The following SOX5 variants were observed in gnomAD, a reference collection of about 807,000 sequenced individuals.
SOX5 encodes the protein transcription factor SOX-5.
In SOX5, 9 loss-of-function variants were observed where a neutral mutation model predicts 92.0. The observed-to-expected ratio is 0.10, with a 90% CI of 0.06 to 0.17. The LOEUF (loss-of-function observed/expected upper bound fraction) is 0.17, where lower values mean the gene tolerates loss of function less well. SOX5 is among the 10% of genes least tolerant of loss of function. SOX5 has a pLI of 1.00. For synonymous variants in SOX5, 344 were observed against 336.3 expected (o/e 1.02, Z -0.25); for missense variants, 642 against 944.5 (o/e 0.68, Z 4.20).
intron 1 of SOX5, among the ~76,000 whole-genome samples, chr12:24,447,882 A>C (rs902004168): frequency 3.3e-5 from 5 of 152,162 alleles, no homozygotes; most frequent in African/African-American, 9.7e-5. Context: ...GGATGCGGAC[A>C]AATTGTTCTT....
At chr12:23,950,952 T>C (rs1214459483), upstream of SOX5, 28 of 1,265,950 alleles carry the variant, frequency 2.2e-5, no homozygotes, top group Admixed American at 6.0e-5. Flanking sequence ...CAACAGGAGA[T>C]AGTGTGCATT....
At chr12:23,999,642 TA>T (rs1203524872) in intron 4 of SOX5, among the ~76,000 whole-genome samples, 1 of 152,016 alleles carries the variant, frequency 6.6e-6, no homozygotes, top group Non-Finnish European at 1.5e-5. Flanking sequence ...TCTTTTACTT[TA>T]AAAAAGTCTT....
intron 1 of SOX5, among the ~76,000 whole-genome samples, chr12:24,559,560 A>T (rs537578466): frequency 6.6e-6 from 1 of 152,280 alleles, no homozygotes; most frequent in East Asian, 1.9e-4. Flanking sequence ...TACTGTAAGC[A>T]TTAGATCATA....
At chr12:23,953,503 A>T (rs1293963001), upstream of SOX5, among the ~76,000 whole-genome samples, 1 of 152,028 alleles carries the variant, frequency 6.6e-6, no homozygotes. Flanking sequence ...ATACTTTTGC[A>T]TTCACTTAAC....
At chr12:24,290,309 A>G (rs937437943) in intron 2 of SOX5, among the ~76,000 whole-genome samples, 2 of 152,242 alleles carry the variant, frequency 1.3e-5, no homozygotes, top group Non-Finnish European at 2.9e-5. Context: ...TCTGAAAAGT[A>G]CCTTAAAAAT....
chr12:23,682,196 G>A (rs80183312), intron 6 of SOX5, among the ~76,000 whole-genome samples: 3,304 of 151,774 alleles, frequency 0.022, 59 homozygotes, highest in Non-Finnish European at 0.033. Flanking sequence ...AAGCAAGATC[G>A]AACAGATTTC....
chr12:24,324,306 T>A (rs1241096127), intron 2 of SOX5, among the ~76,000 whole-genome samples: 2 of 152,138 alleles, frequency 1.3e-5, no homozygotes, highest in Non-Finnish European at 2.9e-5. Context: ...TTTCTGTATT[T>A]CCATAAATTG....
chr12:23,875,263 G>C (rs1023995922), intron 2 of SOX5, among the ~76,000 whole-genome samples: 1 of 145,536 alleles, frequency 6.9e-6, no homozygotes, highest in Non-Finnish European at 1.5e-5. Flanking sequence ...GCATTATGAA[G>C]AGAAATTGTA....
At chr12:24,549,274 G>T (rs1421738000) in intron 1 of SOX5, among the ~76,000 whole-genome samples, 1 of 152,148 alleles carries the variant, frequency 6.6e-6, no homozygotes, top group Admixed American at 6.5e-5. Context: ...TTTGATTAAT[G>T]TTGATCTTCC....
chr12:23,955,098 T>C (rs1946122000), upstream of SOX5, among the ~76,000 whole-genome samples: 1 of 152,044 alleles, frequency 6.6e-6, no homozygotes, highest in African/African-American at 2.4e-5. Context: ...CTGGAGAACA[T>C]CAAAATTATT....
At chr12:24,253,044 T>A (rs976901091) in intron 3 of SOX5, among the ~76,000 whole-genome samples, 1 of 151,674 alleles carries the variant, frequency 6.6e-6, no homozygotes, top group African/African-American at 2.4e-5. Context: ...TAGCAGAAAA[T>A]GATGCACTTC....
chr12:24,108,329 A>G (rs1466092501), intron 4 of SOX5, among the ~76,000 whole-genome samples: 1 of 151,804 alleles, frequency 6.6e-6, no homozygotes, highest in Non-Finnish European at 1.5e-5. Flanking sequence ...TTTTATTCCT[A>G]TTTCCTATCT....
chr12:23,761,553 A>C (rs2094563752), intron 3 of SOX5, among the ~76,000 whole-genome samples: 1 of 152,174 alleles, frequency 6.6e-6, no homozygotes. Flanking sequence ...AGACTAAAAA[A>C]GTACCAATTA....
intron 4 of SOX5, among the ~76,000 whole-genome samples, chr12:24,170,443 G>C (rs1421930846): frequency 6.6e-6 from 1 of 152,098 alleles, no homozygotes; most frequent in Admixed American, 6.5e-5. Context: ...TGCTCTTCTC[G>C]ATAAGGAAAA....
intron 1 of SOX5, among the ~76,000 whole-genome samples, chr12:24,548,252 G>C (rs1370264239): frequency 6.6e-6 from 1 of 152,198 alleles, no homozygotes; most frequent in Non-Finnish European, 1.5e-5. Context: ...CAGGAGATAA[G>C]ACATGCTCAC....
At chr12:24,008,072 A>T (rs1952515664) in intron 4 of SOX5, among the ~76,000 whole-genome samples, 1 of 152,060 alleles carries the variant, frequency 6.6e-6, no homozygotes, top group Non-Finnish European at 1.5e-5. Context: ...ATAACTATAG[A>T]GACCAGGAAT....
At chr12:24,254,142 C>T (rs1022978940) in intron 3 of SOX5, among the ~76,000 whole-genome samples, 10 of 152,070 alleles carry the variant, frequency 6.6e-5, no homozygotes, top group African/African-American at 1.9e-4. Context: ...TACAAGGTAA[C>T]AATGCATTCA....
chr12:23,590,062 G>T (rs186536975), intron 9 of SOX5, among the ~76,000 whole-genome samples: 2 of 151,858 alleles, frequency 1.3e-5, no homozygotes, highest in African/African-American at 2.4e-5. Flanking sequence ...TAGAAATGAC[G>T]GTTTAGATGG....
At chr12:24,285,084 G>A (rs1329818164) in intron 2 of SOX5, among the ~76,000 whole-genome samples, 1 of 152,100 alleles carries the variant, frequency 6.6e-6, no homozygotes, top group Non-Finnish European at 1.5e-5. Context: ...AGTGAATGGA[G>A]ATCAAGCCTT....
Sources: allele counts gnomAD v4.1 joint callset (sites outside exome capture counted in the v4.1 genomes callset), GRCh38; gene constraint gnomAD v4.1.1; transcripts MANE v1.5; gene names NCBI Gene and HGNC (gene_info 2026-07-23, HGNC 2026-07-21).